The following FCHSD2 variants were observed in gnomAD, a reference collection of about 807,000 sequenced individuals.
FCHSD2 encodes the protein FCH and double SH3 domains 2, also known as F-BAR and double SH3 domains protein 2.
A neutral mutation model predicts 108.1 loss-of-function variants in FCHSD2; 38 were observed. The ratio of observed to expected loss-of-function variants is 0.35; its 90% CI spans 0.27 to 0.46. FCHSD2 has a LOEUF of 0.46. FCHSD2 is among the 20% of genes least tolerant of loss of function. The pLI, the probability that FCHSD2 is intolerant of heterozygous loss-of-function variation, is 1.00. For synonymous variants in FCHSD2, 279 were observed against 314.7 expected, an observed-to-expected ratio of 0.89 and a Z score of 1.20; for missense variants, 751 against 897.8, an observed-to-expected ratio of 0.84 and a Z score of 2.09.
At chr11:72,925,737 C>T (rs1288602801) in intron 8 of FCHSD2, among the ~76,000 whole-genome samples, 2 of 152,202 alleles carry the variant, frequency 1.3e-5, no homozygotes, top group African/African-American at 4.8e-5. Context: ...GTGGCTGCTG[C>T]CATCATGCCG....
At chr11:73,015,907 TTC>T in intron 3 of FCHSD2, 22 bp from the exon 4 acceptor site, 1 of 1,392,020 alleles carries the variant, frequency 7.2e-7, no homozygotes, top group Non-Finnish European at 1.0e-6. Flanking sequence ...TACATATTTT[TTC>T]TAAAATAAAT....
At chr11:73,086,468 A>G (rs1350422198) in intron 2 of FCHSD2, among the ~76,000 whole-genome samples, 1 of 152,186 alleles carries the variant, frequency 6.6e-6, no homozygotes, top group Non-Finnish European at 1.5e-5. Flanking sequence ...TAACTTTACA[A>G]CTTAAGGAAC....
chr11:73,034,162 G>A (rs1266467494), intron 3 of FCHSD2, among the ~76,000 whole-genome samples: 2 of 151,968 alleles, frequency 1.3e-5, no homozygotes, highest in African/African-American at 4.8e-5. Context: ...GTGCCGTGGT[G>A]GTTTGCTGCA....
chr11:72,888,556 T>C (rs914996945), intron 11 of FCHSD2, among the ~76,000 whole-genome samples: 1 of 152,114 alleles, frequency 6.6e-6, no homozygotes, highest in African/African-American at 2.4e-5. Context: ...AAAAGTACTA[T>C]ACTCCAAATA....
At chr11:73,132,934 A>G (rs1447964228) in intron 2 of FCHSD2, among the ~76,000 whole-genome samples, 1 of 152,212 alleles carries the variant, frequency 6.6e-6, no homozygotes. Flanking sequence ...TTCAATAAAA[A>G]TGATTTTTTA....
At chr11:72,954,877 T>A (rs938747515) in intron 8 of FCHSD2, among the ~76,000 whole-genome samples, 1 of 151,540 alleles carries the variant, frequency 6.6e-6, no homozygotes. Flanking sequence ...TCTATACATA[T>A]ACACACACAC....
At chr11:73,036,703 T>C (rs766420255) in intron 3 of FCHSD2, among the ~76,000 whole-genome samples, 3 of 152,242 alleles carry the variant, frequency 2.0e-5, no homozygotes, top group Non-Finnish European at 4.4e-5. Context: ...TTTGTGTATT[T>C]ATTCATCCGT....
At chr11:73,109,685 C>CTCTT (rs764566114) in intron 2 of FCHSD2, among the ~76,000 whole-genome samples, 1 of 152,136 alleles carries the variant, frequency 6.6e-6, no homozygotes, top group Non-Finnish European at 1.5e-5. Flanking sequence ...ACTTTGGATG[C>CTCTT]TCTTTCTTTC....
intron 3 of FCHSD2, among the ~76,000 whole-genome samples, chr11:73,079,576 G>A (rs1339590134): frequency 6.6e-6 from 1 of 152,114 alleles, no homozygotes; most frequent in Non-Finnish European, 1.5e-5. Context: ...AAATAAGCCT[G>A]AAATAATCAA....
chr11:73,080,351 AT>A (rs1282512478), intron 3 of FCHSD2, among the ~76,000 whole-genome samples: 1 of 151,836 alleles, frequency 6.6e-6, no homozygotes, highest in Non-Finnish European at 1.5e-5. Context: ...TCAAGGGTAA[AT>A]TTGACTTTAA....
At chr11:72,856,788 T>A (rs535818127) in intron 13 of FCHSD2, among the ~76,000 whole-genome samples, 1 of 152,254 alleles carries the variant, frequency 6.6e-6, no homozygotes, top group African/African-American at 2.4e-5. Flanking sequence ...CACAGACTTA[T>A]GATTCTATTG....
chr11:73,080,527 G>C (rs1270993408), intron 3 of FCHSD2, among the ~76,000 whole-genome samples: 5 of 152,066 alleles, frequency 3.3e-5, no homozygotes, highest in Non-Finnish European at 5.9e-5. Flanking sequence ...TACTAAAGTA[G>C]TGCCACAATT....
At chr11:73,139,968 G>A in intron 2 of FCHSD2, 63 bp downstream of exon 2, 3 of 879,306 alleles carry the variant, frequency 3.4e-6, no homozygotes, top group Non-Finnish European at 5.1e-6. Context: ...CTGGGGCTTG[G>A]TAACTCAAAG....
chr11:72,860,378 T>C (rs1485031149), intron 13 of FCHSD2, among the ~76,000 whole-genome samples: 2 of 152,218 alleles, frequency 1.3e-5, no homozygotes, highest in East Asian at 3.8e-4. Flanking sequence ...TATACGTTTA[T>C]ACTGGGTTAC....
intron 3 of FCHSD2, among the ~76,000 whole-genome samples, chr11:73,022,886 C>G (rs1408348028): frequency 1.3e-5 from 2 of 152,062 alleles, no homozygotes; most frequent in Non-Finnish European, 2.9e-5. Flanking sequence ...GAAATAGACC[C>G]ATACAAATAT....
chr11:73,132,283 G>A (rs546391236), intron 2 of FCHSD2, among the ~76,000 whole-genome samples: 103 of 152,276 alleles, frequency 6.8e-4, no homozygotes, highest in Non-Finnish European at 1.1e-3. Context: ...ACTAATAACA[G>A]TAGCTACCAA....
At chr11:72,915,053 GAAAC>G (rs1249336558) in intron 9 of FCHSD2, among the ~76,000 whole-genome samples, 2 of 114,952 alleles carry the variant, frequency 1.7e-5, no homozygotes, top group African/African-American at 6.9e-5. Context: ...TTACAAGAAA[GAAAC>G]AAACAACTTC....
chr11:72,982,475 G>A (rs1857232270), intron 8 of FCHSD2, among the ~76,000 whole-genome samples: 1 of 152,180 alleles, frequency 6.6e-6, no homozygotes, highest in South Asian at 2.1e-4. Flanking sequence ...AAAACAAAAT[G>A]ATAAAATGTT....
intron 6 of FCHSD2, 41 bp downstream of exon 6, chr11:72,988,923 T>A (rs1405771781): frequency 2.6e-6 from 4 of 1,545,610 alleles, no homozygotes; most frequent in Non-Finnish European, 3.5e-6. Context: ...CAATAACATT[T>A]ATTTGCATAA....
Sources: allele counts gnomAD v4.1 joint callset (sites outside exome capture counted in the v4.1 genomes callset), GRCh38; gene constraint gnomAD v4.1.1; transcripts MANE v1.5; gene names NCBI Gene and HGNC (gene_info 2026-07-23, HGNC 2026-07-21).